The following DFFA variants were observed in gnomAD, a reference collection of about 807,000 sequenced individuals.
The protein encoded by DFFA is DNA fragmentation factor subunit alpha.
In DFFA, 14 loss-of-function variants were observed where a neutral mutation model predicts 28.0. The observed-to-expected ratio is 0.50, with a 90% CI of 0.33 to 0.78. The LOEUF (loss-of-function observed/expected upper bound fraction) is 0.78. Among genes scored for constraint, DFFA ranks in the 30% least tolerant of loss-of-function variants. The pLI is 0.02. For missense variants in DFFA, 395 were observed against 407.1 expected, an observed-to-expected ratio of 0.97 and a Z score of 0.26; for synonymous variants, 158 against 170.3, an observed-to-expected ratio of 0.93 and a Z score of 0.56.
intron 3 of DFFA, among the ~76,000 whole-genome samples, chr1:10,466,896 T>C (rs1641030239): frequency 1.5e-5 from 2 of 133,272 alleles, no homozygotes; most frequent in African/African-American, 2.9e-5. Context: ...GAGACTGCAG[T>C]GAGCTGAGAT....
rs1640940214 is a variant in DFFA, at chr1:10,461,589, C to G, written c.897G>C (p.Gln299His). The change falls in exon 6 of 6, where the codon CAG becomes CAC. Residue 299 changes from glutamine to histidine, a missense_variant. Transcript: ENST00000377038. Reference protein sequence around the residue: ...CERELALRLQQTQSLHSLRSI... With the variant: ...CERELALRLQHTQSLHSLRSI... ...TCCGGAGAGAATGCAAGCTCTGCGTCTGCTGCAGGCGCAGGGCGAGCTCCC... is the reference window on the plus strand; with the variant it reads ...TCCGGAGAGAATGCAAGCTCTGCGTGTGCTGCAGGCGCAGGGCGAGCTCCC... 6.2e-7 allele frequency: 1 copy of G among 1,614,266 alleles called. No homozygotes were observed. The highest frequency in any genetic ancestry group is 8.5e-7 in the Non-Finnish European group (1 of 1,180,054).
Position 10,472,173 on chromosome 1 carries a change from C to T in DFFA, c.136+150G>A. The T allele has an allele frequency of 1.1e-6, 1 of 919,918 alleles. No individual in the cohort carries two copies. 57.0% of individuals were successfully genotyped at this position (919,918 alleles called of 1,614,324 possible). On this transcript the variant is annotated intron_variant, in intron 1 of 5. Transcript: ENST00000377038. The surrounding 1 kb of genome is among the most constrained non-coding windows in gnomAD (Gnocchi z 5.0). ...GCTCAAGCGCCTTAAATCTGTAAAT[C>T]GCTATGCCCACTCGGACCGTTTCTG...
intron 2 of DFFA, among the ~76,000 whole-genome samples, 160 bp downstream of exon 2, chr1:10,469,017 A>G (rs147639577): frequency 4.6e-5 from 7 of 152,274 alleles, no homozygotes; most frequent in South Asian, 2.1e-4. Flanking sequence ...CTTTATCCCC[A>G]GGACTCAGCA....
chr1:10,467,025 A>G (rs1462634163), intron 3 of DFFA, among the ~76,000 whole-genome samples, 165 bp downstream of exon 3: 2 of 151,560 alleles, frequency 1.3e-5, no homozygotes, highest in African/African-American at 4.9e-5. Context: ...AAATTACTCT[A>G]GGTGAGAATG....
intron 5 of DFFA, among the ~76,000 whole-genome samples, chr1:10,462,098 T>C (rs897113246): frequency 2.0e-5 from 3 of 152,170 alleles, no homozygotes; most frequent in Non-Finnish European, 2.9e-5. Flanking sequence ...GACCTTGTGA[T>C]CCGCCCACCT....
chr1:10,471,077 A>AG (rs1294212572), intron 1 of DFFA, among the ~76,000 whole-genome samples: 3 of 151,464 alleles, frequency 2.0e-5, no homozygotes, highest in Non-Finnish European at 2.9e-5. Flanking sequence ...AAAAAAAAAA[A>AG]AAAAGAAAAT....
At chr1:10,468,115 A>C (rs1641047146) in intron 2 of DFFA, among the ~76,000 whole-genome samples, 1 of 114,126 alleles carries the variant, frequency 8.8e-6, no homozygotes, top group South Asian at 3.1e-4. Context: ...ATTTTGTGGC[A>C]CACTTCAGGA....
At chr1:10,463,739 A>C in intron 3 of DFFA, 119 bp from the exon 4 acceptor site, 1 of 1,008,250 alleles carries the variant, frequency 9.9e-7, no homozygotes, top group Non-Finnish European at 1.4e-6. Flanking sequence ...ATCTCGGCTC[A>C]CTGCAACCTC....
intron 1 of DFFA, among the ~76,000 whole-genome samples, chr1:10,471,842 C>A (rs1399604339): frequency 6.6e-6 from 1 of 152,166 alleles, no homozygotes; most frequent in African/African-American, 2.4e-5. Context: ...GAACTTCCGT[C>A]GGCTCCGTCA....
rs1182062049 is a variant in DFFA at position 10,459,456 on chromosome 1, G to A, written c.*2034C>T. 1 of 152,134 alleles carries A rather than the reference G, an allele frequency of 6.6e-6. No individual in the cohort carries two copies. Among genetic ancestry groups the A allele is most frequent in the Non-Finnish European group, 1.5e-5 (1 of 68,024 alleles). The allele number at this position is 152,134 out of a possible 1,614,324, so 9.4% of individuals were successfully genotyped here. On this transcript the variant is annotated 3_prime_UTR_variant, in exon 6 of 6. Transcript: ENST00000377038. Reference sequence around the variant, plus strand: ...AATTAGAAAACTGAAGAGTTTCACGGTGGTGAGATAGAATTTCACAATACT... The same window carrying A: ...AATTAGAAAACTGAAGAGTTTCACGATGGTGAGATAGAATTTCACAATACT...
intron 5 of DFFA, 51 bp from the exon 6 acceptor site, chr1:10,461,753 C>A: frequency 6.2e-7 from 1 of 1,603,244 alleles, no homozygotes. Flanking sequence ...TGCGCCTCTC[C>A]TGCTGCTCTC....
At position 10,462,778 on chromosome 1, in the gene DFFA, G is replaced by A; in HGVS notation, c.783+280C>T. The stretch of plus-strand genomic sequence containing the variant: ...GACCCAGAAGCCATCTCAGAAGATT[G>A]GGCCCTGCTATTCCTCCCTGTCAGG... On this transcript the variant is annotated intron_variant, in intron 5 of 5. Transcript: ENST00000377038. The A allele has an allele frequency of 2.3e-6, 3 of 1,280,330 alleles. No homozygotes were observed. In the South Asian group the frequency reaches 5.9e-5, roughly 25 times the overall value. The allele number at this position is 1,280,330 out of a possible 1,614,324, so 79.3% of individuals were successfully genotyped here.
At chr1:10,468,934 T>C (rs770258566) in intron 2 of DFFA, among the ~76,000 whole-genome samples, 3 of 152,138 alleles carry the variant, frequency 2.0e-5, no homozygotes, top group Non-Finnish European at 4.4e-5. Context: ...AGATGGACTT[T>C]CGCCATGTTG....
In DFFA at chr1:10,469,347, A is replaced by G. The variant is rs371766475; in HGVS notation, c.137-9T>C. ...GGCCAGAATGTCACAGGCTGAAAAG[A>G]ATAAAATATTTGGCAAATGACAAAT... On this transcript the variant is annotated splice_polypyrimidine_tract_variant and intron_variant, in intron 1 of 5. Transcript: ENST00000377038. 1.9e-6 allele frequency: 3 copies of G among 1,611,654 alleles called. No homozygotes were observed. In the African/African-American group the frequency reaches 4.0e-5, roughly 22 times the overall value.
At chr1:10,463,379 G>C (rs368016685) in intron 4 of DFFA, 52 bp downstream of exon 4, 1 of 1,565,474 alleles carries the variant, frequency 6.4e-7, no homozygotes, top group Admixed American at 1.8e-5. Context: ...CCCAAGGGAC[G>C]CCTCCATCAG....
rs779515834 is a variant in DFFA at position 10,472,506 on chromosome 1, G to A, written c.-48C>T. The stretch of plus-strand genomic sequence containing the variant: ...CACCTTCGAGAAGTCGCGGGAGGCC[G>A]GAGCGGCGGTCCTTCTACTCGACCC... On this transcript the variant is annotated 5_prime_UTR_variant, in exon 1 of 6. Coordinates refer to ENST00000377038, the MANE Select transcript of DFFA (RefSeq NM_004401.3). The surrounding 1 kb of genome is among the most constrained non-coding windows in gnomAD (Gnocchi z 5.0). 6 of 1,546,006 alleles carry A rather than the reference G, an allele frequency of 3.9e-6. No homozygotes were observed. In the East Asian group the frequency reaches 9.7e-5, roughly 25 times the overall value.
intron 3 of DFFA, among the ~76,000 whole-genome samples, chr1:10,465,430 T>C (rs1395784293): frequency 1.3e-5 from 2 of 152,084 alleles, no homozygotes; most frequent in Admixed American, 1.3e-4. Flanking sequence ...CACGCCTGGC[T>C]AATTTTTATA....
intron 3 of DFFA, among the ~76,000 whole-genome samples, chr1:10,464,952 C>T (rs535730927): frequency 2.6e-5 from 4 of 152,162 alleles, no homozygotes; most frequent in African/African-American, 4.8e-5. Context: ...CAGGATGGGG[C>T]TCAATAAATA....
In DFFA at chr1:10,461,327, A is replaced by G. The variant is rs1640931385; in HGVS notation, c.*163T>C. The G allele has an allele frequency of 7.7e-7, 1 of 1,302,348 alleles. No individual in the cohort carries two copies. The highest frequency in any genetic ancestry group is 2.9e-5 in the Admixed American group (1 of 34,634). 80.7% of individuals were successfully genotyped at this position (1,302,348 alleles called of 1,614,324 possible). ...AGTCCTGAAGCTGGTGGGGCTAAAA[A>G]AAAAATTGGTGGAACGGCGTATGTT... On this transcript the variant is annotated 3_prime_UTR_variant, in exon 6 of 6. Transcript: ENST00000377038.
Sources: gnomAD v4.1 joint callset for allele counts (sites outside exome capture counted in the v4.1 genomes callset) on GRCh38, gnomAD v4.1.1 for gene constraint, Gnocchi (gnomAD v3.1) non-coding constraint, MANE v1.5 for transcripts, NCBI Gene and HGNC (gene_info 2026-07-23, HGNC 2026-07-21) for gene names.